Variants in MRS2 observed in about 807,000 individuals in gnomAD.
MRS2 encodes the protein magnesium transporter MRS2.
A neutral mutation model predicts 52.6 loss-of-function variants in MRS2; 40 were observed. The ratio of observed to expected loss-of-function variants is 0.76; its 90% CI spans 0.59 to 0.99. MRS2 has a LOEUF of 0.99. MRS2 is among the 50% of genes least tolerant of loss of function. MRS2 has a pLI of 0.00. For synonymous variants in MRS2, 193 were observed against 195.9 expected (o/e 0.98, Z 0.13); for missense variants, 472 against 532.7 (o/e 0.89, Z 1.12).
At chr6:24,414,357 C>G (rs1027980028) in intron 5 of MRS2, among the ~76,000 whole-genome samples, 13 of 148,250 alleles carry the variant, frequency 8.8e-5, no homozygotes, top group South Asian at 4.4e-4. Context: ...TGACTCTTAA[C>G]GAGCATGCTG....
intron 9 of MRS2, among the ~76,000 whole-genome samples, chr6:24,421,032 A>G (rs1056220849): frequency 8.5e-5 from 13 of 152,208 alleles, no homozygotes; most frequent in African/African-American, 3.1e-4. Flanking sequence ...AGCCATTGAC[A>G]TTCTCAAAAG....
In MRS2 at chr6:24,411,018, G is replaced by A. The variant is rs570750601; in HGVS notation, c.415-1204G>A. On this transcript the variant is annotated intron_variant, in intron 4 of 10. Coordinates refer to ENST00000378386, the MANE Select transcript of MRS2 (RefSeq NM_020662.4). ...AGCCTGACCAACATGGTGAAACCCC[G>A]TCTCTACTAAAAAATACAAAAATTA... 2.4e-3 allele frequency among the ~76,000 whole-genome samples: 371 copies of A among 151,956 alleles called. 1 individual carries two copies. The highest frequency in any genetic ancestry group is 8.3e-3 in the African/African-American group (345 of 41,412).
At chr6:24,413,435 GA>G (rs1350487250) in intron 5 of MRS2, among the ~76,000 whole-genome samples, 1 of 152,096 alleles carries the variant, frequency 6.6e-6, no homozygotes, top group African/African-American at 2.4e-5. Context: ...TCTCAAAAGG[GA>G]TAAGTTTTCG....
At chr6:24,420,561 T>A (rs778774253) in intron 9 of MRS2, among the ~76,000 whole-genome samples, 1 of 152,208 alleles carries the variant, frequency 6.6e-6, no homozygotes, top group Non-Finnish European at 1.5e-5. Flanking sequence ...TAGGTTATAT[T>A]GTAGTGGAGG....
At chr6:24,414,470 A>G (rs1233635731) in intron 5 of MRS2, among the ~76,000 whole-genome samples, 1 of 151,966 alleles carries the variant, frequency 6.6e-6, no homozygotes, top group East Asian at 1.9e-4. Flanking sequence ...GTTGGGGGTA[A>G]GGTTATAGAT....
rs749842810 is a variant in MRS2, at chr6:24,423,687, AC to A, written c.1327del (p.Arg443ValfsTer20). On this transcript the variant is annotated frameshift_variant, in exon 11 of 11. Coordinates refer to ENST00000378386, the MANE Select transcript of MRS2 (RefSeq NM_020662.4). LOFTEE classifies it high-confidence loss of function. ...GGATCAGGAAGGAGCATCCTAACAA[AC>A]CGTTAGGAACAGCCCCGTGGATACT... ...GLGSGRSILTNR is the reference protein window; with the variant it reads ...GLGSGRSILTXR 1 of 1,578,110 alleles carries A rather than the reference AC, an allele frequency of 6.3e-7. No individual in the cohort carries two copies. The highest frequency in any genetic ancestry group is 1.1e-5 in the South Asian group (1 of 89,750).
intron 4 of MRS2, among the ~76,000 whole-genome samples, chr6:24,410,050 G>A (rs1761602201): frequency 6.6e-6 from 1 of 152,060 alleles, no homozygotes; most frequent in Non-Finnish European, 1.5e-5. Flanking sequence ...CACGATCTTG[G>A]CTCACTGCAA....
intron 5 of MRS2, among the ~76,000 whole-genome samples, chr6:24,412,901 A>C (rs1289234025): frequency 6.6e-6 from 1 of 152,128 alleles, no homozygotes; most frequent in Non-Finnish European, 1.5e-5. Flanking sequence ...CTGTTCAGGA[A>C]CTGGCTACAT....
chr6:24,416,692 T>C (rs73725411), intron 7 of MRS2, among the ~76,000 whole-genome samples, 179 bp downstream of exon 7: 5,667 of 152,318 alleles, frequency 0.037, 128 homozygotes, highest in Non-Finnish European at 0.043. Context: ...AATGTAATTC[T>C]ATGAGTATGC....
At chr6:24,412,434 A>G in intron 5 of MRS2, 39 bp downstream of exon 5, 1 of 1,443,524 alleles carries the variant, frequency 6.9e-7, no homozygotes, top group Non-Finnish European at 9.3e-7. Flanking sequence ...GTTTATTCTG[A>G]TTTTGAAATG....
intron 9 of MRS2, among the ~76,000 whole-genome samples, chr6:24,420,436 A>G (rs935511348): frequency 5.3e-5 from 8 of 152,252 alleles, no homozygotes; most frequent in African/African-American, 1.9e-4. Flanking sequence ...TTTAATGTAA[A>G]GTATAAAAGA....
chr6:24,416,316 TA>T, intron 6 of MRS2, 80 bp from the exon 7 acceptor site: 1 of 638,680 alleles, frequency 1.6e-6, no homozygotes, highest in Non-Finnish European at 2.8e-6. Flanking sequence ...ATATATTTGA[TA>T]AGATACTCTA....
At chr6:24,412,913 C>G (rs1191393279) in intron 5 of MRS2, among the ~76,000 whole-genome samples, 1 of 152,118 alleles carries the variant, frequency 6.6e-6, no homozygotes, top group Non-Finnish European at 1.5e-5. Flanking sequence ...TGGCTACATG[C>G]AAGAGTTGGT....
chr6:24,417,255 A>G (rs902820833), intron 7 of MRS2, among the ~76,000 whole-genome samples: 2 of 152,202 alleles, frequency 1.3e-5, no homozygotes, highest in African/African-American at 2.4e-5. Flanking sequence ...AATATGCTTT[A>G]TGATACAGGT....
At chr6:24,422,666 GCATGTAAA>G (rs1422618068) in intron 9 of MRS2, among the ~76,000 whole-genome samples, 2 of 152,122 alleles carry the variant, frequency 1.3e-5, no homozygotes, top group Admixed American at 1.3e-4. Context: ...AGATTTGCAC[GCATGTAAA>G]CAAAGGCTGC....
intron 9 of MRS2, chr6:24,419,210 C>T (rs927326479): frequency 1.3e-5 from 2 of 152,564 alleles, no homozygotes; most frequent in African/African-American, 4.8e-5. Context: ...GCACTCCAGC[C>T]TGGGCGACAG....
intron 4 of MRS2, 95 bp from the exon 5 acceptor site, chr6:24,412,127 A>T: frequency 1.6e-6 from 1 of 615,842 alleles, no homozygotes; most frequent in Non-Finnish European, 2.4e-6. Context: ...TACAATTTGC[A>T]TATATATATG....
At chr6:24,407,366 A>T (rs1191161655) in intron 2 of MRS2, among the ~76,000 whole-genome samples, 1 of 152,160 alleles carries the variant, frequency 6.6e-6, no homozygotes, top group East Asian at 1.9e-4. Context: ...AGCAAGATAA[A>T]ATATATATAT....
At chr6:24,408,596 T>C in intron 3 of MRS2, 152 bp downstream of exon 3, 1 of 635,852 alleles carries the variant, frequency 1.6e-6, no homozygotes, top group Non-Finnish European at 2.8e-6. Flanking sequence ...TCAGTCTTAA[T>C]TGGAGCTGGC....
Sources: allele counts gnomAD v4.1 joint callset (sites outside exome capture counted in the v4.1 genomes callset), GRCh38; gene constraint gnomAD v4.1.1; transcripts MANE v1.5; gene names NCBI Gene and HGNC (gene_info 2026-07-23, HGNC 2026-07-21).